Variants in CACNB2 observed in about 807,000 individuals in gnomAD.
The protein encoded by CACNB2 is calcium voltage-gated channel auxiliary subunit beta 2, also known as voltage-dependent L-type calcium channel subunit beta-2.
CACNB2 carries 42 observed loss-of-function variants against 73.3 expected under a neutral mutation model. The observed-to-expected ratio is 0.57, with a 90% CI of 0.45 to 0.74. CACNB2 has a LOEUF of 0.74. Among genes scored for constraint, CACNB2 ranks in the 30% least tolerant of loss-of-function variants. The pLI, the probability that CACNB2 is intolerant of heterozygous loss-of-function variation, is 0.00. For synonymous variants in CACNB2, 348 were observed against 310.3 expected, an observed-to-expected ratio of 1.12 and a Z score of -1.28; for missense variants, 940 against 853.0, an observed-to-expected ratio of 1.10 and a Z score of -1.27.
chr10:18,381,611 C>T (rs895221810), intron 2 of CACNB2, among the ~76,000 whole-genome samples: 4 of 149,418 alleles, frequency 2.7e-5, no homozygotes, highest in African/African-American at 1.0e-4. Flanking sequence ...TTGCTTGAAC[C>T]TGGGAGGTGG....
intron 2 of CACNB2, among the ~76,000 whole-genome samples, chr10:18,233,632 G>A (rs1305186930): frequency 6.6e-6 from 1 of 152,118 alleles, no homozygotes; most frequent in Non-Finnish European, 1.5e-5. Context: ...GAACATCTTT[G>A]TTGTTCGAAG....
intron 3 of CACNB2, among the ~76,000 whole-genome samples, chr10:18,453,938 T>C (rs912119007): frequency 1.3e-5 from 2 of 152,206 alleles, no homozygotes; most frequent in Non-Finnish European, 2.9e-5. Context: ...ACCAGCTGAT[T>C]ACTTGTCTGT....
intron 2 of CACNB2, among the ~76,000 whole-genome samples, chr10:18,236,142 T>C (rs1207661949): frequency 6.6e-6 from 1 of 152,208 alleles, no homozygotes; most frequent in Non-Finnish European, 1.5e-5. Flanking sequence ...TATTTCTTTC[T>C]AGCAGTGTGA....
intron 2 of CACNB2, among the ~76,000 whole-genome samples, chr10:18,209,937 G>A (rs2035249634): frequency 6.6e-6 from 1 of 152,128 alleles, no homozygotes; most frequent in Admixed American, 6.6e-5. Flanking sequence ...AAGCTCCTTG[G>A]TGGATGTCTA....
chr10:18,235,267 A>G (rs908877248), intron 2 of CACNB2, among the ~76,000 whole-genome samples: 1 of 152,082 alleles, frequency 6.6e-6, no homozygotes, highest in Non-Finnish European at 1.5e-5. Context: ...AGCCTGGGCA[A>G]TGTAGCAAGA....
At chr10:18,483,331 G>A in intron 3 of CACNB2, among the ~76,000 whole-genome samples, 1 of 151,800 alleles carries the variant, frequency 6.6e-6, no homozygotes. Flanking sequence ...AGGAGGTAGA[G>A]ACCAGCCTGG....
At chr10:18,303,820 G>A (rs953718996) in intron 2 of CACNB2, among the ~76,000 whole-genome samples, 9 of 152,150 alleles carry the variant, frequency 5.9e-5, no homozygotes, top group African/African-American at 2.2e-4. Flanking sequence ...GTGGGGGAGC[G>A]TTAAACCTGT....
At chr10:18,355,632 T>C (rs868486788) in intron 2 of CACNB2, among the ~76,000 whole-genome samples, 23 of 142,162 alleles carry the variant, frequency 1.6e-4, no homozygotes, top group African/African-American at 3.3e-4. Flanking sequence ...ATTTTTCTCT[T>C]TTTTTTTTTT....
intron 6 of CACNB2, among the ~76,000 whole-genome samples, 186 bp downstream of exon 6, chr10:18,506,733 G>A (rs1010885601): frequency 4.6e-5 from 7 of 152,250 alleles, no homozygotes; most frequent in Middle Eastern, 3.4e-3. Flanking sequence ...TTTCTGGCTG[G>A]AAAAAGAAGT....
chr10:18,538,060 T>G (rs1033641285), intron 12 of CACNB2, 120 bp from the exon 13 acceptor site: 8 of 912,432 alleles, frequency 8.8e-6, no homozygotes, highest in Non-Finnish European at 1.5e-5. Flanking sequence ...GCAGCACTTA[T>G]AGAAGCAGGA....
At chr10:18,386,992 C>G (rs552806874) in intron 2 of CACNB2, among the ~76,000 whole-genome samples, 6 of 152,310 alleles carry the variant, frequency 3.9e-5, no homozygotes, top group Admixed American at 2.0e-4. Flanking sequence ...TAATTCCCTT[C>G]ATAATTAAAC....
chr10:18,422,984 C>T (rs1351046300), intron 3 of CACNB2, among the ~76,000 whole-genome samples: 1 of 152,220 alleles, frequency 6.6e-6, no homozygotes, highest in Non-Finnish European at 1.5e-5. Flanking sequence ...AGGCGTGAGC[C>T]ACTGCGCCTG....
rs1313521202 is a variant in CACNB2 at position 18,298,981 on chromosome 10, T to C, written c.214-102943T>C. On this transcript the variant is annotated intron_variant, in intron 2 of 13. Transcript: ENST00000324631. ...TCAAATCAAGTTACCAAGTAAATAA[T>C]GAGTGCAGCACACCAACATGGCACA... 2.0e-5 allele frequency among the ~76,000 whole-genome samples: 3 copies of C among 149,260 alleles called. No individual in the cohort carries two copies. In the East Asian group the frequency reaches 5.9e-4, roughly 30 times the overall value.
At chr10:18,298,854 C>A (rs1425004161) in intron 2 of CACNB2, among the ~76,000 whole-genome samples, 1 of 151,900 alleles carries the variant, frequency 6.6e-6, no homozygotes, top group Non-Finnish European at 1.5e-5. Context: ...GCAAAAACTG[C>A]TGTATGGGCT....
intron 3 of CACNB2, among the ~76,000 whole-genome samples, chr10:18,495,981 T>C (rs1237978215): frequency 6.6e-6 from 1 of 151,912 alleles, no homozygotes; most frequent in Non-Finnish European, 1.5e-5. Context: ...GTGGATGTCA[T>C]TCGAGACCAG....
intron 2 of CACNB2, chr10:18,260,716 GC>G (rs1478090656): frequency 1.0e-6 from 1 of 997,872 alleles, no homozygotes; most frequent in African/African-American, 1.7e-5. Flanking sequence ...GCTGCTGTCA[GC>G]CTGTGCATTG....
intron 2 of CACNB2, among the ~76,000 whole-genome samples, chr10:18,174,893 A>T (rs2033488829): frequency 6.6e-6 from 1 of 152,230 alleles, no homozygotes; most frequent in African/African-American, 2.4e-5. Flanking sequence ...ATTGGAAAGA[A>T]TTGAAACTTA....
At chr10:18,314,508 A>G (rs967870176) in intron 2 of CACNB2, among the ~76,000 whole-genome samples, 1 of 152,106 alleles carries the variant, frequency 6.6e-6, no homozygotes, top group Non-Finnish European at 1.5e-5. Flanking sequence ...CAAGTCTGAA[A>G]AATTATTTGC....
intron 2 of CACNB2, among the ~76,000 whole-genome samples, chr10:18,223,587 T>G (rs895420267): frequency 2.6e-5 from 4 of 152,138 alleles, no homozygotes; most frequent in African/African-American, 9.7e-5. Flanking sequence ...TATGTTCCCT[T>G]CTTTTTACAT....
Sources: gnomAD v4.1 joint callset for allele counts (sites outside exome capture counted in the v4.1 genomes callset) on GRCh38, gnomAD v4.1.1 for gene constraint, MANE v1.5 for transcripts, NCBI Gene and HGNC (gene_info 2026-07-23, HGNC 2026-07-21) for gene names.